Variants in RARRES2 observed in about 807,000 individuals in gnomAD.
RARRES2 encodes the protein retinoic acid receptor responder protein 2.
RARRES2 carries 12 observed loss-of-function variants against 17.9 expected under a neutral mutation model. That is an observed-to-expected ratio of 0.67 (90% confidence interval 0.43 to 1.08). The LOEUF (loss-of-function observed/expected upper bound fraction) is 1.08, where lower values mean the gene tolerates loss of function less well. Ranked by LOEUF, RARRES2 falls within the 50% of genes least tolerant of loss-of-function variation. RARRES2 has a pLI of 0.00. For missense variants in RARRES2, 220 were observed against 210.1 expected, an observed-to-expected ratio of 1.05 and a Z score of -0.29; for synonymous variants, 82 against 86.8, an observed-to-expected ratio of 0.94 and a Z score of 0.31.
In RARRES2 at chr7:150,339,067, G is replaced by A. The variant is rs1237490125; in HGVS notation, c.294C>T (p.Cys98=). ...CAGAGCCCAGTTTGATGCAGGCCAG[G>A]CATTTCCGTTTCCTCTGTGGGGGAG... ...KVRPNGRKRK[C]LACIKLGSED... Residue 98 remains cysteine, a synonymous_variant, in exon 4 of 6, where the codon TGC becomes TGT. Transcript: ENST00000223271. 1.2e-6 allele frequency: 2 copies of A among 1,611,426 alleles called. No individual in the cohort carries two copies. Among genetic ancestry groups the A allele is most frequent in the East Asian group, 2.2e-5 (1 of 44,856 alleles).
At chr7:150,341,053 C>T (rs1396259447) in intron 1 of RARRES2, 2 of 157,710 alleles carry the variant, frequency 1.3e-5, no homozygotes, top group South Asian at 2.0e-4. Flanking sequence ...CCAGAATCCC[C>T]CTGCTCCCAC....
At chr7:150,340,024 TGCCCCAC>T (rs1798441409) in intron 3 of RARRES2, 69 bp downstream of exon 3, 3 of 1,307,930 alleles carry the variant, frequency 2.3e-6, no homozygotes, top group Non-Finnish European at 3.3e-6. Flanking sequence ...CCCAGGCATG[TGCCCCAC>T]ACCCCAAACC....
rs1277985376 is a variant in RARRES2, at chr7:150,338,689, T to G, written c.428A>C (p.Glu143Ala). Residue 143 changes from glutamate to alanine, a missense_variant, in exon 5 of 6, where the codon GAG (glutamate) becomes GCG (alanine). Glu to Ala is a moderately radical substitution (Grantham distance 107). Coordinates refer to ENST00000223271, the MANE Select transcript of RARRES2 (RefSeq NM_002889.4). The stretch of plus-strand genomic sequence containing the variant: ...AGGGAAGTAGAAGCTGTGGGGGTCC[T>G]CACCAGCCCGCTGCACCCTGAGGCA... Reference protein sequence around the residue: ...TQCLRVQRAGEDPHSFYFPGQ... With the variant: ...TQCLRVQRAGADPHSFYFPGQ... 7 of 1,555,344 alleles carry G rather than the reference T, an allele frequency of 4.5e-6. No homozygotes were observed. The highest frequency in any genetic ancestry group is 6.1e-6 in the Non-Finnish European group (7 of 1,149,082).
At chr7:150,340,815 C>T (rs557198132) in intron 1 of RARRES2, 186 bp from the exon 2 acceptor site, 40 of 542,348 alleles carry the variant, frequency 7.4e-5, no homozygotes, top group African/African-American at 6.4e-4. Context: ...TGGCCCTCTC[C>T]GTTCCCTCCC....
chr7:150,340,543 T>G lies in RARRES2; in HGVS notation c.67A>C (p.Thr23Pro). The G allele has an allele frequency of 6.3e-7, 1 of 1,578,740 alleles. No homozygotes were observed. Among genetic ancestry groups the G allele is most frequent in the Non-Finnish European group, 8.6e-7 (1 of 1,163,034 alleles). ...GAVGVGVAEL[T>P]EAQRRGLQVA... ...TGCAGGCCCCGGCGCTGGGCTTCCGTGAGCTCGGCGACGCCCACGCCCACC... is the reference window on the plus strand; with the variant it reads ...TGCAGGCCCCGGCGCTGGGCTTCCGGGAGCTCGGCGACGCCCACGCCCACC... The change falls in exon 2 of 6, where the codon ACG (threonine) becomes CCG (proline). Residue 23 changes from threonine (T) to proline (P), a missense_variant. By Grantham distance (38) the Thr-to-Pro change is conservative. Coordinates refer to ENST00000223271, the MANE Select transcript of RARRES2 (RefSeq NM_002889.4).
In RARRES2 at chr7:150,340,528, G is replaced by A. The variant is rs775623099; in HGVS notation, c.82C>T (p.Arg28Trp). The A allele has an allele frequency of 2.5e-6, 4 of 1,586,944 alleles. No individual in the cohort carries two copies. The highest frequency in any genetic ancestry group is 1.7e-4 in the Middle Eastern group (1 of 5,992). ...TCCTCCAGGGCCACCTGCAGGCCCCGGCGCTGGGCTTCCGTGAGCTCGGCG... is the reference window on the plus strand; with the variant it reads ...TCCTCCAGGGCCACCTGCAGGCCCCAGCGCTGGGCTTCCGTGAGCTCGGCG... The part of the protein sequence containing the change: ...GVAELTEAQR[R>W]GLQVALEEFH... Residue 28 changes from arginine (R) to tryptophan (W), a missense_variant, in exon 2 of 6, where the codon CGG (arginine) becomes TGG (tryptophan). By Grantham distance (101) the Arg-to-Trp change is moderately radical. Coordinates refer to ENST00000223271, the MANE Select transcript of RARRES2 (RefSeq NM_002889.4).
rs776583433 is a variant in RARRES2, at chr7:150,339,624, C to A, written c.279+476G>T. On this transcript the variant is annotated intron_variant, in intron 3 of 5. Coordinates refer to ENST00000223271, the MANE Select transcript of RARRES2 (RefSeq NM_002889.4). ...CCTTTGCAGAACCTGTAATACAGAG[C>A]CCAGGCCGTGCTCACAGAGCGGGAA... 9.7e-4 allele frequency among the ~76,000 whole-genome samples: 148 copies of A among 152,160 alleles called. 1 individual carries two copies. Among genetic ancestry groups the A allele is most frequent in the Non-Finnish European group, 3.2e-4 (22 of 68,028 alleles).
Position 150,340,641 on chromosome 7 carries a change from G to C in RARRES2, c.-20-12C>G. 1 of 1,473,048 alleles carries C rather than the reference G, an allele frequency of 6.8e-7. No individual in the cohort carries two copies. Among genetic ancestry groups the C allele is most frequent in the Non-Finnish European group, 9.0e-7 (1 of 1,110,928 alleles). 91.2% of individuals were successfully genotyped at this position (1,473,048 alleles called of 1,614,324 possible). ...GTGTCACCCTGGCCCTGCGAAGCGG[G>C]TGTGCGCCCCTCAGCTCTCCGAGCC... On this transcript the variant is annotated splice_polypyrimidine_tract_variant and intron_variant, in intron 1 of 5. Coordinates refer to ENST00000223271, the MANE Select transcript of RARRES2 (RefSeq NM_002889.4).
chr7:150,340,488 G>A lies in RARRES2; in HGVS notation c.122C>T (p.Pro41Leu), dbSNP rs1311292778. The change falls in exon 2 of 6, where the codon CCG becomes CTG. Residue 41 changes from proline (P) to leucine (L), a missense_variant. Physicochemically the swap from Pro to Leu is moderately conservative, Grantham distance 98 (BLOSUM62 -3). Transcript: ENST00000223271. ...QVALEEFHKH[P>L]PVQWAFQETS... ...CTCCTGGAAGGCCCACTGCACGGGC[G>A]GGTGCTTGTGAAATTCCTCCAGGGC... 7 of 1,608,162 alleles carry A rather than the reference G, an allele frequency of 4.4e-6. No individual in the cohort carries two copies. The highest frequency in any genetic ancestry group is 2.2e-5 in the East Asian group (1 of 44,664).
In RARRES2 at chr7:150,338,733, C is replaced by T; in HGVS notation, c.384G>A (p.Glu128=). Residue 128 remains glutamate, a synonymous_variant, in exon 5 of 6, where the codon GAG becomes GAA. Transcript: ENST00000223271. ...TGAGGCACTGGGTCTCCTGGTGCTC[C>T]TCAGCCTCCTGCCAGTGCCCAAAAC... ...PIETQVLREA[E]EHQETQCLRV... The T allele has an allele frequency of 6.4e-7, 1 of 1,556,532 alleles. No individual in the cohort carries two copies. Among genetic ancestry groups the T allele is most frequent in the Non-Finnish European group, 8.7e-7 (1 of 1,149,652 alleles).
At chr7:150,339,488 G>A (rs1342900651) in intron 3 of RARRES2, among the ~76,000 whole-genome samples, 2 of 151,996 alleles carry the variant, frequency 1.3e-5, no homozygotes. Flanking sequence ...CGCCTCCAGA[G>A]TGGCTCAGCT....
chr7:150,340,742 C>A, intron 1 of RARRES2, 113 bp from the exon 2 acceptor site: 1 of 905,494 alleles, frequency 1.1e-6, no homozygotes, highest in Non-Finnish European at 1.6e-6. Context: ...GCCTGTAGAA[C>A]GCTGGGCACA....
At chr7:150,339,678 C>T (rs181978119) in intron 3 of RARRES2, among the ~76,000 whole-genome samples, 16 of 147,968 alleles carry the variant, frequency 1.1e-4, no homozygotes, top group Admixed American at 2.0e-4. Flanking sequence ...ACTCCCAGCC[C>T]AGGCATCACC....
chr7:150,340,647 G>T lies in RARRES2; in HGVS notation c.-20-18C>A. Reference sequence around the variant, plus strand: ...CCCTGGCCCTGCGAAGCGGGTGTGCGCCCCTCAGCTCTCCGAGCCAGCCCG... The same window carrying T: ...CCCTGGCCCTGCGAAGCGGGTGTGCTCCCCTCAGCTCTCCGAGCCAGCCCG... On this transcript the variant is annotated intron_variant, in intron 1 of 5. Coordinates refer to ENST00000223271, the MANE Select transcript of RARRES2 (RefSeq NM_002889.4). The T allele has an allele frequency of 6.8e-7, 1 of 1,461,164 alleles. No individual in the cohort carries two copies. The highest frequency in any genetic ancestry group is 9.0e-7 in the Non-Finnish European group (1 of 1,106,558). The allele number at this position is 1,461,164 out of a possible 1,614,324, so 90.5% of individuals were successfully genotyped here. A position where few individuals can be genotyped will look rare whatever the true frequency, so the allele number is the denominator to read the frequency against.
intron 1 of RARRES2, 24 bp from the exon 2 acceptor site, chr7:150,340,653 C>T: frequency 6.9e-7 from 1 of 1,455,216 alleles, no homozygotes; most frequent in Non-Finnish European, 9.1e-7. Context: ...GTGCGCCCCT[C>T]AGCTCTCCGA....
In RARRES2 at chr7:150,340,105, T is replaced by G; in HGVS notation, c.274A>C (p.Asn92His). ...TCTCACACCCCTTCACTCACCCCAT[T>G]GGGCCTGACTTTGCACTCGGGTTTC... ...WKKPECKVRP[N>H]GRKRKCLACI... The change falls in exon 3 of 6, where the codon AAT becomes CAT. Residue 92 changes from asparagine (N) to histidine (H), a missense_variant. By Grantham distance (68) the Asn-to-His change is moderately conservative. Coordinates refer to ENST00000223271, the MANE Select transcript of RARRES2 (RefSeq NM_002889.4). 6.2e-7 allele frequency: 1 copy of G among 1,613,772 alleles called. No individual in the cohort carries two copies. The highest frequency in any genetic ancestry group is 8.5e-7 in the Non-Finnish European group (1 of 1,179,698).
chr7:150,339,144 T>A (rs1176715123), intron 3 of RARRES2, 63 bp from the exon 4 acceptor site: 31 of 1,464,152 alleles, frequency 2.1e-5, no homozygotes, highest in Non-Finnish European at 2.9e-5. Context: ...CTGGGCATCA[T>A]GAGGGTGGGA....
chr7:150,340,447 C>T lies in RARRES2; in HGVS notation c.163G>A (p.Ala55Thr). ...GCCATGCTACTCACCGTGTCCACGG[C>T]GCTCTCCACACTGGTCTCCTGGAAG... ...WAFQETSVES[A>T]VDTPFPAGIF... The change falls in exon 2 of 6, where the codon GCC becomes ACC. Residue 55 changes from alanine (A) to threonine (T), a missense_variant. By Grantham distance (58) the Ala-to-Thr change is moderately conservative. Coordinates refer to ENST00000223271, the MANE Select transcript of RARRES2 (RefSeq NM_002889.4). 1.2e-6 allele frequency: 2 copies of T among 1,603,612 alleles called. No homozygotes were observed. Among genetic ancestry groups the T allele is most frequent in the Middle Eastern group, 1.8e-4 (1 of 5,488 alleles).
intron 3 of RARRES2, among the ~76,000 whole-genome samples, chr7:150,339,652 A>G (rs1465911001): frequency 1.3e-5 from 2 of 151,970 alleles, no homozygotes; most frequent in Non-Finnish European, 2.9e-5. Context: ...AGCGGGAACT[A>G]GAACACAGTC....
Sources: gnomAD v4.1 joint callset for allele counts (sites outside exome capture counted in the v4.1 genomes callset) on GRCh38, gnomAD v4.1.1 for gene constraint, MANE v1.5 for transcripts, NCBI Gene and HGNC (gene_info 2026-07-23, HGNC 2026-07-21) for gene names.